Variants in ZC3H7B observed in about 807,000 individuals in gnomAD.
The protein encoded by ZC3H7B is zinc finger CCCH-type containing 7B.
In ZC3H7B, 35 loss-of-function variants were observed where a neutral mutation model predicts 116.0. The ratio of observed to expected loss-of-function variants is 0.30; its 90% confidence interval spans 0.23 to 0.40. The LOEUF is 0.40. Among genes scored for constraint, ZC3H7B ranks in the 10% least tolerant of loss-of-function variants. ZC3H7B has a pLI of 1.00. For synonymous variants in ZC3H7B, 502 were observed against 545.6 expected, an observed-to-expected ratio of 0.92 and a Z score of 1.11; for missense variants, 1,011 against 1,321.5, an observed-to-expected ratio of 0.77 and a Z score of 3.64.
chr22:41,331,251 A>T (rs1018319839), intron 6 of ZC3H7B, among the ~76,000 whole-genome samples: 2 of 147,658 alleles, frequency 1.4e-5, no homozygotes, highest in African/African-American at 2.5e-5. Flanking sequence ...CTGTCTCAAA[A>T]AAAATAAATA....
chr22:41,320,537 T>G, intron 1 of ZC3H7B, 118 bp from the exon 2 acceptor site: 4 of 1,157,478 alleles, frequency 3.5e-6, no homozygotes, highest in Non-Finnish European at 5.2e-6. Flanking sequence ...CCTCCCGACA[T>G]GGGGAAGGGA....
chr22:41,330,744 C>G (rs2036370962), intron 6 of ZC3H7B, among the ~76,000 whole-genome samples: 1 of 151,966 alleles, frequency 6.6e-6, no homozygotes, highest in Non-Finnish European at 1.5e-5. Context: ...GAGTTTGAGA[C>G]CAGCCTGATC....
At chr22:41,307,223 G>A (rs568906250) in intron 1 of ZC3H7B, among the ~76,000 whole-genome samples, 20 of 152,084 alleles carry the variant, frequency 1.3e-4, no homozygotes, top group African/African-American at 2.4e-4. Context: ...TGATCCACCC[G>A]CCTTGGCCTC....
intron 5 of ZC3H7B, 41 bp from the exon 6 acceptor site, chr22:41,329,982 C>T (rs766119958): frequency 2.3e-5 from 37 of 1,605,990 alleles, no homozygotes; most frequent in Middle Eastern, 1.6e-4. Flanking sequence ...TTTGTGAGCC[C>T]GGGCAGACTG....
At chr22:41,312,817 G>T (rs1237653122) in intron 1 of ZC3H7B, among the ~76,000 whole-genome samples, 1 of 152,026 alleles carries the variant, frequency 6.6e-6, no homozygotes, top group East Asian at 1.9e-4. Context: ...AGGCTGAGGT[G>T]GGAGGATCGC....
chr22:41,310,268 C>T (rs181619011), intron 1 of ZC3H7B, among the ~76,000 whole-genome samples: 1 of 152,278 alleles, frequency 6.6e-6, no homozygotes, highest in African/African-American at 2.4e-5. Flanking sequence ...CTCTACAGCA[C>T]CCAGTTTAGC....
Position 41,339,177 on chromosome 22 carries a change from C to T in ZC3H7B, c.802C>T (p.Leu268Phe). The change falls in exon 9 of 23, where the codon CTC (leucine) becomes TTC (phenylalanine). Residue 268 changes from leucine to phenylalanine, a missense_variant. This residue lies in a region of ZC3H7B where 322 missense variants were observed against 443.9 expected (regional missense o/e 0.73). Coordinates refer to ENST00000352645, the MANE Select transcript of ZC3H7B (RefSeq NM_017590.6). ...GDVFGPELDTLLDSLSLVQGG... is the reference protein window; with the variant it reads ...GDVFGPELDTFLDSLSLVQGG... ...TGTCTTTGGCCCAGAGCTGGACACC[C>T]TCCTGGACTCGCTGGTGAGCCACAC... The T allele has an allele frequency of 6.2e-7, 1 of 1,609,408 alleles. No homozygotes were observed. The highest frequency in any genetic ancestry group is 8.5e-7 in the Non-Finnish European group (1 of 1,177,612).
intron 1 of ZC3H7B, among the ~76,000 whole-genome samples, chr22:41,317,882 C>G (rs1300553888): frequency 1.3e-5 from 2 of 152,194 alleles, no homozygotes; most frequent in Non-Finnish European, 2.9e-5. Context: ...GTTAATCAGG[C>G]TGCCTGATGC....
intron 17 of ZC3H7B, among the ~76,000 whole-genome samples, chr22:41,353,059 G>A (rs185183896): frequency 6.0e-5 from 9 of 151,184 alleles, no homozygotes; most frequent in Admixed American, 1.3e-4. Flanking sequence ...CAGCCTGGGT[G>A]ACAGAGTGAG....
chr22:41,309,064 T>TGCA (rs945435626), intron 1 of ZC3H7B, among the ~76,000 whole-genome samples: 2 of 138,102 alleles, frequency 1.4e-5, no homozygotes, highest in African/African-American at 5.3e-5. Context: ...CAGGCTGGAG[T>TGCA]GCAGTGGCGC....
At chr22:41,337,050 C>T (rs1477733516) in intron 7 of ZC3H7B, among the ~76,000 whole-genome samples, 3 of 151,766 alleles carry the variant, frequency 2.0e-5, no homozygotes, top group Non-Finnish European at 2.9e-5. Flanking sequence ...GCAGGAGAAT[C>T]GCTTGAACCT....
At chr22:41,334,593 C>G (rs1223440911) in intron 7 of ZC3H7B, 1 of 152,384 alleles carries the variant, frequency 6.6e-6, no homozygotes, top group Non-Finnish European at 1.5e-5. Flanking sequence ...AGTTCAGACC[C>G]TGCCTCATGA....
Position 41,338,196 on chromosome 22 carries a change from A to C in ZC3H7B, c.583-117A>C. On this transcript the variant is annotated intron_variant, in intron 7 of 22. Coordinates refer to ENST00000352645, the MANE Select transcript of ZC3H7B (RefSeq NM_017590.6). This position sits in a 1 kb window ranked among gnomAD's most constrained non-coding sequence, Gnocchi z 4.5. ...TGTGAGGGCTTTAATCTCCCCTGGC[A>C]CTCTAAGTGCTCCTCGGTGCTGGGT... 1 of 1,088,056 alleles carries C rather than the reference A, an allele frequency of 9.2e-7. No individual in the cohort carries two copies. Among genetic ancestry groups the C allele is most frequent in the Non-Finnish European group, 1.3e-6 (1 of 751,252 alleles). The allele number at this position is 1,088,056 out of a possible 1,614,324, so 67.4% of individuals were successfully genotyped here.
rs929150119 is a variant in ZC3H7B, at chr22:41,351,290, C to A, written c.1949-271C>A. Among the ~76,000 whole-genome samples, 1 of 152,208 alleles carries A rather than the reference C, an allele frequency of 6.6e-6. No individual in the cohort carries two copies. Among genetic ancestry groups the A allele is most frequent in the African/African-American group, 2.4e-5 (1 of 41,442 alleles). On this transcript the variant is annotated intron_variant, in intron 16 of 22. Transcript: ENST00000352645. The surrounding 1 kb of genome is among the most constrained non-coding windows in gnomAD (Gnocchi z 5.1). ...TGGCATGGGAGCAGAGGACTCCCTA[C>A]CACAGTACAGAGCCAATATCTTTCT...
intron 13 of ZC3H7B, 149 bp downstream of exon 13, chr22:41,343,725 G>T: frequency 2.6e-6 from 3 of 1,146,734 alleles, no homozygotes; most frequent in Non-Finnish European, 3.5e-6. Flanking sequence ...GGCTCCTGGG[G>T]CCCGTGCAGG....
rs764500286 is a variant in ZC3H7B, at chr22:41,355,748, G to A, written c.2169-9G>A. The A allele has an allele frequency of 7.8e-5, 126 of 1,613,846 alleles. No individual in the cohort carries two copies. The highest frequency in any genetic ancestry group is 1.0e-4 in the Non-Finnish European group (120 of 1,180,004). ...CCTGACCTCTCCCCAACCCTGCTCT[G>A]TCCTGCAGCTGGACCAAGGAGCGGC... On this transcript the variant is annotated splice_polypyrimidine_tract_variant and intron_variant, in intron 18 of 22. Coordinates refer to ENST00000352645, the MANE Select transcript of ZC3H7B (RefSeq NM_017590.6).
Position 41,327,358 on chromosome 22 carries a change from GC to G in ZC3H7B, c.442del (p.His148ThrfsTer5). ...GCAGCAGCCGGTGTTCCCTCGCCCT[GC>G]CCCACGTGAGTGTGGCTCTGCAGCC... ...ECSSRCSLALPHDESVTQLGQ... is the reference protein window; with the variant it reads ...ECSSRCSLALXHDESVTQLGQ... On this transcript the variant is annotated frameshift_variant, in exon 5 of 23. Coordinates refer to ENST00000352645, the MANE Select transcript of ZC3H7B (RefSeq NM_017590.6). LOFTEE classifies it high-confidence loss of function. This position sits in a 1 kb window ranked among gnomAD's most constrained non-coding sequence, Gnocchi z 4.5. 1 of 1,610,596 alleles carries G rather than the reference GC, an allele frequency of 6.2e-7. No homozygotes were observed. The highest frequency in any genetic ancestry group is 8.5e-7 in the Non-Finnish European group (1 of 1,179,994).
chr22:41,311,105 C>T (rs2036113351), intron 1 of ZC3H7B, among the ~76,000 whole-genome samples: 1 of 147,434 alleles, frequency 6.8e-6, no homozygotes, highest in Non-Finnish European at 1.5e-5. Context: ...CATTCATTCG[C>T]GTGTATATGT....
intron 17 of ZC3H7B, among the ~76,000 whole-genome samples, chr22:41,354,284 C>T (rs977005029): frequency 1.3e-5 from 2 of 152,238 alleles, no homozygotes; most frequent in Non-Finnish European, 2.9e-5. Context: ...AAGTCAGTAG[C>T]CACATGGGTC....
Sources: allele counts gnomAD v4.1 joint callset (sites outside exome capture counted in the v4.1 genomes callset), GRCh38; gene constraint gnomAD v4.1.1; regional missense constraint gnomAD v4.1.1; non-coding constraint Gnocchi (gnomAD v3.1); transcripts MANE v1.5; gene names NCBI Gene and HGNC (gene_info 2026-07-23, HGNC 2026-07-21).